The following UCKL1 variants were observed in gnomAD, a reference collection of about 807,000 sequenced individuals.
UCKL1 encodes the protein uridine-cytidine kinase-like 1.
In UCKL1, 65 loss-of-function variants were observed where a neutral mutation model predicts 59.2. The ratio of observed to expected loss-of-function variants is 1.10; its 90% confidence interval spans 0.90 to 1.35. The LOEUF is 1.35. UCKL1 is among the 40% of genes most tolerant of loss of function. The pLI is 0.00. For missense variants in UCKL1, 703 were observed against 784.3 expected, an observed-to-expected ratio of 0.90 and a Z score of 1.24; for synonymous variants, 410 against 323.1, an observed-to-expected ratio of 1.27 and a Z score of -2.88.
At chr20:63,947,615 G>A (rs527785467) in intron 1 of UCKL1, among the ~76,000 whole-genome samples, 20 of 152,340 alleles carry the variant, frequency 1.3e-4, no homozygotes, top group East Asian at 5.8e-4. Flanking sequence ...TCAGAGTGCC[G>A]GATGGGGGAC....
rs560449264 is a variant in UCKL1 at position 63,946,737 on chromosome 20, C to T, written c.114-94G>A. On this transcript the variant is annotated intron_variant, in intron 1 of 14. Coordinates refer to ENST00000354216, the MANE Select transcript of UCKL1 (RefSeq NM_017859.4). ...GGCCCACAGGGCACCCCCCCCACCC[C>T]CTCAACAGGCATGGCTGAGGCGGGC... The T allele has an allele frequency of 1.2e-4, 165 of 1,353,784 alleles. No individual in the cohort carries two copies. In the Middle Eastern group the frequency reaches 2.8e-3, roughly 23 times the overall value. The allele number at this position is 1,353,784 out of a possible 1,614,324, so 83.9% of individuals were successfully genotyped here. A position where few individuals can be genotyped will look rare whatever the true frequency, so the allele number is the denominator to read the frequency against.
At chr20:63,947,228 C>A (rs117986959) in intron 1 of UCKL1, among the ~76,000 whole-genome samples, 1 of 152,212 alleles carries the variant, frequency 6.6e-6, no homozygotes, top group Non-Finnish European at 1.5e-5. Flanking sequence ...GGAGGAGAGG[C>A]GCTATCTTGG....
chr20:63,950,280 C>T (rs1184250719), intron 1 of UCKL1, among the ~76,000 whole-genome samples: 1 of 152,180 alleles, frequency 6.6e-6, no homozygotes, highest in Admixed American at 6.5e-5. Flanking sequence ...CAAGCAGCAC[C>T]CCTTGACAGG....
rs1347948931 is a variant in UCKL1 at position 63,940,710 on chromosome 20, C to T, written c.1186G>A (p.Gly396Ser). The change falls in exon 12 of 15, where the codon GGT becomes AGT. Residue 396 changes from glycine to serine, a missense_variant. Physicochemically the swap from Gly to Ser is moderately conservative, Grantham distance 56. Transcript: ENST00000354216. Reference protein sequence around the residue: ...GKCYAGKQITGVSILRAGETM... With the variant: ...GKCYAGKQITSVSILRAGETM... ...TCACCGGCGCGCAGAATGGACACAC[C>T]GGTGATCTGCGGGGAGGGGAGGCTA... 3 of 1,607,558 alleles carry T rather than the reference C, an allele frequency of 1.9e-6. No homozygotes were observed. Among genetic ancestry groups the T allele is most frequent in the South Asian group, 2.2e-5 (2 of 90,536 alleles).
intron 1 of UCKL1, among the ~76,000 whole-genome samples, chr20:63,948,633 A>AGAGGG (rs1569123542): frequency 2.8e-4 from 1 of 3,530 alleles, no homozygotes; most frequent in African/African-American, 1.4e-3. Context: ...TGTGAGAGGG[A>AGAGGG]AGGGGCGTGT....
chr20:63,946,588 G>T lies in UCKL1; in HGVS notation c.169C>A (p.Pro57Thr), dbSNP rs35595584. 6.2e-7 allele frequency: 1 copy of T among 1,611,392 alleles called. No homozygotes were observed. Among genetic ancestry groups the T allele is most frequent in the Non-Finnish European group, 8.5e-7 (1 of 1,179,844 alleles). ...LLPPVGTGRS[P>T]RKRTTSQCKS... ...CACTGGCTGGTGGTCCGCTTCCGGG[G>T]AGAGCGCCCAGTGCCCACAGGTGGC... Residue 57 changes from proline to threonine, a missense_variant, in exon 2 of 15, where the codon CCC becomes ACC. This residue lies in a region of UCKL1 where 398 missense variants were observed against 373.0 expected (regional missense o/e 1.07). Transcript: ENST00000354216.
At chr20:63,945,775 C>T (rs770430232) in intron 4 of UCKL1, 30 bp downstream of exon 4, 170 of 1,612,816 alleles carry the variant, frequency 1.1e-4, no homozygotes, top group South Asian at 2.6e-4. Flanking sequence ...TGCAGCCCCC[C>T]GAGGCCCCCT....
At position 63,945,945 on chromosome 20, in the gene UCKL1, C is replaced by T. The variant is rs142680455; in HGVS notation, c.442G>A (p.Ala148Thr). The stretch of plus-strand genomic sequence containing the variant: ...TGGTCGAAGTTGAAGTTGTTGTGTG[C>T]GGCCTGTTCCTGCTGCTGCTCAGTC... The part of the protein sequence containing the change: ...VLTEQQQEQA[A>T]HNNFNFDHPD... The change falls in exon 4 of 15, where the codon GCA (alanine) becomes ACA (threonine). Residue 148 changes from alanine to threonine, a missense_variant. Coordinates refer to ENST00000354216, the MANE Select transcript of UCKL1 (RefSeq NM_017859.4). 394 of 1,613,794 alleles carry T rather than the reference C, an allele frequency of 2.4e-4. 2 individuals are homozygous for T. In the Middle Eastern group the frequency reaches 3.6e-3, roughly 15 times the overall value.
rs2056296751 is a variant in UCKL1, at chr20:63,946,611, G to T, written c.146C>A (p.Pro49Gln). ...SNAESLDRLL[P>Q]PVGTGRSPRK... ...GGGAGAGCGCCCAGTGCCCACAGGT[G>T]GCAGGAGCCTGTCCAGGGACTCTGC... The change falls in exon 2 of 15, where the codon CCA (proline) becomes CAA (glutamine). Residue 49 changes from proline to glutamine, a missense_variant. This residue lies in a region of UCKL1 where 398 missense variants were observed against 373.0 expected (regional missense o/e 1.07). Transcript: ENST00000354216. The T allele has an allele frequency of 6.2e-7, 1 of 1,610,292 alleles. No homozygotes were observed. Among genetic ancestry groups the T allele is most frequent in the African/African-American group, 1.3e-5 (1 of 74,938 alleles).
chr20:63,948,758 A>C (rs1421477114), intron 1 of UCKL1, among the ~76,000 whole-genome samples: 2 of 151,258 alleles, frequency 1.3e-5, no homozygotes, highest in Non-Finnish European at 2.9e-5. Flanking sequence ...CCTAACCATG[A>C]TCACTCTCTG....
Position 63,945,669 on chromosome 20 carries a change from A to G in UCKL1, c.636T>C (p.Ala212=). ...VIIFEGIMAF[A]DKTLLELLDM... ...TGCTTACCTCCAACAGTGTCTTGTC[A>G]GCAAAGGCCATGATGCCCTCAAAGA... Residue 212 remains alanine, a synonymous_variant, in exon 5 of 15, where the codon GCT becomes GCC. Coordinates refer to ENST00000354216, the MANE Select transcript of UCKL1 (RefSeq NM_017859.4). 6.2e-7 allele frequency: 1 copy of G among 1,613,072 alleles called. No homozygotes were observed. Among genetic ancestry groups the G allele is most frequent in the Non-Finnish European group, 8.5e-7 (1 of 1,179,888 alleles).
intron 2 of UCKL1, 38 bp from the exon 3 acceptor site, chr20:63,946,305 C>A (rs199870303): frequency 6.4e-7 from 1 of 1,557,044 alleles, no homozygotes; most frequent in African/African-American, 1.4e-5. Context: ...GAGGAACAGG[C>A]AGGCTGCCGG....
chr20:63,941,472 C>T (rs1193825183), intron 8 of UCKL1: 2 of 525,926 alleles, frequency 3.8e-6, no homozygotes, highest in South Asian at 2.1e-5. Flanking sequence ...GCTGTGAGGG[C>T]CCCTCCCAGT....
chr20:63,944,856 C>T, intron 5 of UCKL1, 122 bp from the exon 6 acceptor site: 3 of 1,266,332 alleles, frequency 2.4e-6, no homozygotes, highest in Non-Finnish European at 3.3e-6. Flanking sequence ...TTCCCCAGGG[C>T]ACCCTGGCAG....
At chr20:63,949,697 A>G (rs1485115343) in intron 1 of UCKL1, among the ~76,000 whole-genome samples, 1 of 152,124 alleles carries the variant, frequency 6.6e-6, no homozygotes, top group Admixed American at 6.5e-5. Flanking sequence ...CCTCCCCTCT[A>G]TGCCTAACCC....
At chr20:63,950,291 A>G (rs1321099586) in intron 1 of UCKL1, among the ~76,000 whole-genome samples, 2 of 152,190 alleles carry the variant, frequency 1.3e-5, no homozygotes, top group African/African-American at 4.8e-5. Flanking sequence ...CCTTGACAGG[A>G]AAGTTGGCCG....
chr20:63,940,420 C>G lies in UCKL1; in HGVS notation c.1368G>C (p.Val456=), dbSNP rs754292076. The G allele has an allele frequency of 3.4e-5, 55 of 1,612,070 alleles. No homozygotes were observed. The highest frequency in any genetic ancestry group is 4.7e-5 in the Non-Finnish European group (55 of 1,179,542). ...CCATCATGGCCGCCGCGCCCGTGGA[C>G]ACGGTGCAGTCCATGAGGATCACGT... ...DDHVILMDCT[V]STGAAAMMAV... Residue 456 remains valine, a synonymous_variant, in exon 13 of 15, where the codon GTG becomes GTC. Transcript: ENST00000354216.
At chr20:63,953,758 C>T in intron 1 of UCKL1, 1 of 152,426 alleles carries the variant, frequency 6.6e-6, no homozygotes, top group Non-Finnish European at 1.5e-5. Flanking sequence ...GGCTGCCCCT[C>T]ACGAACCATC....
At chr20:63,949,370 G>A (rs928096009) in intron 1 of UCKL1, among the ~76,000 whole-genome samples, 7 of 152,116 alleles carry the variant, frequency 4.6e-5, no homozygotes, top group African/African-American at 1.7e-4. Context: ...GCATGCGGGG[G>A]CTGCAGCTGG....
Sources: gnomAD v4.1 joint callset for allele counts (sites outside exome capture counted in the v4.1 genomes callset) on GRCh38, gnomAD v4.1.1 for gene constraint, gnomAD v4.1.1 regional missense constraint, MANE v1.5 for transcripts, NCBI Gene and HGNC (gene_info 2026-07-23, HGNC 2026-07-21) for gene names.